G3BP2: variants seen among roughly 807,000 people sequenced by gnomAD.
The protein encoded by G3BP2 is ras GTPase-activating protein-binding protein 2.
Under a neutral mutation model 56.7 loss-of-function variants are expected in G3BP2, and 11 were observed. That is an observed-to-expected ratio of 0.19 (90% confidence interval 0.12 to 0.32). The LOEUF is 0.32. G3BP2 is among the 10% of genes least tolerant of loss of function. The pLI is 1.00. For missense variants in G3BP2, 340 were observed against 610.9 expected (o/e 0.56, Z 4.67); for synonymous variants, 165 against 191.6 (o/e 0.86, Z 1.15).
chr4:75,655,633 T>C (rs552447782), intron 6 of G3BP2, 135 bp downstream of exon 6: 58 of 606,344 alleles, frequency 9.6e-5, no homozygotes, highest in Middle Eastern at 5.9e-4. Flanking sequence ...TTCTTGCATA[T>C]ACACAATAGG....
chr4:75,645,738 G>T (rs758668695), intron 11 of G3BP2, 36 bp from the exon 12 acceptor site: 1 of 1,581,540 alleles, frequency 6.3e-7, no homozygotes, highest in East Asian at 2.2e-5. Flanking sequence ...TACATGGGCA[G>T]GTTAGACAGC....
chr4:75,689,152 G>A (rs935622742), intron 3 of G3BP2, among the ~76,000 whole-genome samples: 4 of 152,322 alleles, frequency 2.6e-5, no homozygotes, highest in Middle Eastern at 3.4e-3. Flanking sequence ...GGAGGCGGGC[G>A]GATCACTTGA....
chr4:75,672,051 G>A (rs1352249572), intron 1 of G3BP2, among the ~76,000 whole-genome samples: 2 of 152,162 alleles, frequency 1.3e-5, no homozygotes, highest in Non-Finnish European at 2.9e-5. Flanking sequence ...ACCAGAACAA[G>A]GTACAGAGCC....
At chr4:75,649,611 C>T (rs1383150784) in intron 8 of G3BP2, among the ~76,000 whole-genome samples, 1 of 152,156 alleles carries the variant, frequency 6.6e-6, no homozygotes, top group Non-Finnish European at 1.5e-5. Context: ...CCTTCTACTA[C>T]CCAAATATTT....
chr4:75,705,788 G>A (rs1037545598), intron 3 of G3BP2, among the ~76,000 whole-genome samples: 4 of 152,200 alleles, frequency 2.6e-5, no homozygotes, highest in Non-Finnish European at 5.9e-5. Context: ...AGTGGGCTAT[G>A]AAGAAAGAAC....
At chr4:75,707,063 A>T (rs1475662709) in intron 3 of G3BP2, among the ~76,000 whole-genome samples, 1 of 151,154 alleles carries the variant, frequency 6.6e-6, no homozygotes, top group Non-Finnish European at 1.5e-5. Flanking sequence ...GTGGTGGCGC[A>T]TGCCTGTAAT....
At position 75,654,046 on chromosome 4, in the gene G3BP2, C is replaced by A. The variant is rs780846977; in HGVS notation, c.762G>T (p.Leu254=). The change falls in exon 8 of 12, where the codon CTG becomes CTT. Residue 254 remains leucine (L), a synonymous_variant. Coordinates refer to ENST00000359707, the MANE Select transcript of G3BP2 (RefSeq NM_203505.3). Reference sequence around the variant, plus strand: ...AGGAAGAAACAGTACCACTAGGAGGCAGGTTTTTACTGGTCACTGAAGCCC... The same window carrying A: ...AGGAAGAAACAGTACCACTAGGAGGAAGGTTTTTACTGGTCACTGAAGCCC... ...FSWASVTSKN[L]PPSGTVSSSG... The A allele has an allele frequency of 3.8e-6, 6 of 1,594,140 alleles. No individual in the cohort carries two copies. In the African/African-American group the frequency reaches 5.4e-5, roughly 14 times the overall value.
chr4:75,661,478 G>GT (rs58695567), intron 2 of G3BP2: 46,433 of 139,382 alleles, frequency 0.33, 8,445 homozygotes, highest in African/African-American at 0.51. Context: ...CCCAAAGTTT[G>GT]TTTTTTTTTT....
chr4:75,657,010 G>C lies in G3BP2; in HGVS notation c.356C>G (p.Ser119Cys). The C allele has an allele frequency of 7.5e-7, 1 of 1,336,006 alleles. No homozygotes were observed. Among genetic ancestry groups the C allele is most frequent in the Non-Finnish European group, 1.1e-6 (1 of 941,122 alleles). 82.8% of individuals were successfully genotyped at this position (1,336,006 alleles called of 1,614,324 possible). The change falls in exon 5 of 12, where the codon TCT becomes TGT. Residue 119 changes from serine (S) to cysteine (C), a missense_variant. Physicochemically the swap from Ser to Cys is moderately radical, Grantham distance 112. Coordinates refer to ENST00000359707, the MANE Select transcript of G3BP2 (RefSeq NM_203505.3). Reference sequence around the variant, plus strand: ...GTGAACATAAAATTTATTTGGAACAGATCCCTATAGGAAACAACATTTATT... The same window carrying C: ...GTGAACATAAAATTTATTTGGAACACATCCCTATAGGAAACAACATTTATT... Reference protein sequence around the residue: ...MQTFVLAPEGSVPNKFYVHND... With the variant: ...MQTFVLAPEGCVPNKFYVHND...
rs1226514193 is a variant in G3BP2, at chr4:75,643,643, A to AAT, written c.*1785_*1786dup. ...ATATTGCCCAGTACATGAAAAACAA[A>AAT]ATACATGCATCATTTGCTAGTTTAC... On this transcript the variant is annotated 3_prime_UTR_variant, in exon 12 of 12. Transcript: ENST00000359707. 6.6e-6 allele frequency: 1 copy of AAT among 152,608 alleles called. No homozygotes were observed. Among genetic ancestry groups the AAT allele is most frequent in the African/African-American group, 2.4e-5 (1 of 41,450 alleles). 9.5% of individuals were successfully genotyped at this position (152,608 alleles called of 1,614,324 possible). A position where few individuals can be genotyped will look rare whatever the true frequency, so the allele number is the denominator to read the frequency against.
intron 3 of G3BP2, among the ~76,000 whole-genome samples, chr4:75,699,622 T>C (rs1456412547): frequency 6.6e-6 from 1 of 152,230 alleles, no homozygotes; most frequent in African/African-American, 2.4e-5. Flanking sequence ...TTTATTAGAT[T>C]TGATTCCAAT....
intron 3 of G3BP2, among the ~76,000 whole-genome samples, chr4:75,683,332 C>T (rs758719120): frequency 1.4e-4 from 21 of 152,116 alleles, no homozygotes; most frequent in Non-Finnish European, 3.1e-4. Context: ...GAGGCCAAGG[C>T]GGGCAGATCA....
At chr4:75,708,918 C>T (rs1433851181) in intron 3 of G3BP2, among the ~76,000 whole-genome samples, 3 of 152,172 alleles carry the variant, frequency 2.0e-5, no homozygotes, top group African/African-American at 7.2e-5. Context: ...CAAGAACAGC[C>T]TGGGCAACAT....
At chr4:75,682,219 A>C (rs1029527865) in intron 3 of G3BP2, among the ~76,000 whole-genome samples, 12 of 152,038 alleles carry the variant, frequency 7.9e-5, no homozygotes, top group African/African-American at 2.9e-4. Context: ...GCTCGAGACT[A>C]TCCTAGCCAA....
At position 75,658,869 on chromosome 4, in the gene G3BP2, G is replaced by A; in HGVS notation, c.151C>T (p.Pro51Ser). Residue 51 changes from proline (P) to serine (S), a missense_variant, in exon 3 of 12, where the codon CCC becomes TCC. Physicochemically the swap from Pro to Ser is moderately conservative, Grantham distance 74. Around this residue, in one of 4 missense-constraint regions of G3BP2, gnomAD observed 21 missense variants for 83.7 expected, o/e 0.25. Coordinates refer to ENST00000359707, the MANE Select transcript of G3BP2 (RefSeq NM_203505.3). ...VHGGVDASGKPQEAVYGQNDI... is the reference protein window; with the variant it reads ...VHGGVDASGKSQEAVYGQNDI... ...TTTTGGCCATAAACAGCTTCCTGGG[G>A]CTTTCCACTAGCATCTACTCCACCA... 1 of 1,612,002 alleles carries A rather than the reference G, an allele frequency of 6.2e-7. No individual in the cohort carries two copies. Among genetic ancestry groups the A allele is most frequent in the Non-Finnish European group, 8.5e-7 (1 of 1,178,062 alleles).
chr4:75,692,353 C>A (rs1718893502), intron 3 of G3BP2, among the ~76,000 whole-genome samples: 1 of 152,036 alleles, frequency 6.6e-6, no homozygotes, highest in South Asian at 2.1e-4. Context: ...GCTCTGTTGC[C>A]CAGGCTGGAG....
At chr4:75,672,209 C>T (rs1037672630) in intron 1 of G3BP2, among the ~76,000 whole-genome samples, 3 of 152,126 alleles carry the variant, frequency 2.0e-5, no homozygotes, top group African/African-American at 7.2e-5. Context: ...TCCCACCCCC[C>T]AAATCCGTTA....
intron 11 of G3BP2, 79 bp from the exon 12 acceptor site, chr4:75,645,781 G>A (rs1250024660): frequency 5.4e-6 from 7 of 1,295,838 alleles, no homozygotes; most frequent in Non-Finnish European, 7.6e-6. Flanking sequence ...AGGTCAGTCA[G>A]ATAAGCATAA....
upstream of G3BP2, among the ~76,000 whole-genome samples, chr4:75,674,718 A>ATATATATATATATATATTTTTTT (rs1241041465): frequency 1.4e-5 from 1 of 71,424 alleles, no homozygotes; most frequent in Admixed American, 1.9e-4. Flanking sequence ...ATATATATAT[A>ATATATATATATATATATTTTTTT]TTTTTTTTTT....
Sources: allele counts gnomAD v4.1 joint callset (sites outside exome capture counted in the v4.1 genomes callset), GRCh38; gene constraint gnomAD v4.1.1; regional missense constraint gnomAD v4.1.1; transcripts MANE v1.5; gene names NCBI Gene and HGNC (gene_info 2026-07-23, HGNC 2026-07-21).